SIPA1L3: variants seen among roughly 807,000 people sequenced by gnomAD.
SIPA1L3 encodes signal-induced proliferation-associated 1-like protein 3.
SIPA1L3 carries 59 observed loss-of-function variants against 150.1 expected under a neutral mutation model. That is an observed-to-expected ratio of 0.39 (90% CI 0.32 to 0.49). The LOEUF is 0.49. Ranked by LOEUF, SIPA1L3 falls within the 20% of genes least tolerant of loss-of-function variation. The pLI, the probability that SIPA1L3 is intolerant of heterozygous loss-of-function variation, is 0.86. For missense variants in SIPA1L3, 2,211 were observed against 2,489.5 expected (o/e 0.89, Z 2.38); for synonymous variants, 1,070 against 1,077.6 (o/e 0.99, Z 0.14).
intron 15 of SIPA1L3, among the ~76,000 whole-genome samples, chr19:38,177,454 C>T (rs1972461354): frequency 6.6e-6 from 1 of 151,812 alleles, no homozygotes; most frequent in South Asian, 2.1e-4. Flanking sequence ...AGGAGGATAG[C>T]TTGAGCACAG....
At chr19:37,995,563 C>G (rs1426371621) in intron 1 of SIPA1L3, among the ~76,000 whole-genome samples, 1 of 152,120 alleles carries the variant, frequency 6.6e-6, no homozygotes, top group Admixed American at 6.6e-5. Context: ...TGGGCACCAT[C>G]AGGGAGAACT....
At chr19:38,008,842 G>A (rs1968029547) in intron 1 of SIPA1L3, among the ~76,000 whole-genome samples, 1 of 151,908 alleles carries the variant, frequency 6.6e-6, no homozygotes, top group African/African-American at 2.4e-5. Context: ...TTACAGGCAT[G>A]AGCCACCATG....
In SIPA1L3 at chr19:38,208,007, AC is replaced by A. The variant is rs1157270513; in HGVS notation, c.*1771del. On this transcript the variant is annotated 3_prime_UTR_variant, in exon 22 of 22. Coordinates refer to ENST00000222345, the MANE Select transcript of SIPA1L3 (RefSeq NM_015073.3). ...GGGGGCCCACCCGTCCCCCACCCCC[AC>A]CCCTTAGACCCTCATCGGGTCCCTT... 2 of 36,366 alleles carry A rather than the reference AC, an allele frequency of 5.5e-5. No homozygotes were observed. The highest frequency in any genetic ancestry group is 3.0e-4 in the Admixed American group (1 of 3,384). 2.3% of individuals were successfully genotyped at this position (36,366 alleles called of 1,614,324 possible). A position where few individuals can be genotyped will look rare whatever the true frequency, so the allele number is the denominator to read the frequency against.
intron 20 of SIPA1L3, among the ~76,000 whole-genome samples, chr19:38,203,166 C>T (rs1301784385): frequency 1.3e-5 from 2 of 152,188 alleles, no homozygotes; most frequent in Non-Finnish European, 2.9e-5. Flanking sequence ...CGAACGTAGG[C>T]CCCACTGTAA....
intron 18 of SIPA1L3, among the ~76,000 whole-genome samples, chr19:38,194,400 T>G (rs1972875452): frequency 7.0e-6 from 1 of 143,840 alleles, no homozygotes; most frequent in African/African-American, 2.5e-5. Context: ...AGTACGTAAG[T>G]TTGCACCATG....
chr19:37,970,920 C>T (rs2145592832), intron 1 of SIPA1L3, among the ~76,000 whole-genome samples: 1 of 152,334 alleles, frequency 6.6e-6, no homozygotes, highest in Admixed American at 6.5e-5. Flanking sequence ...TTGTTGCTCC[C>T]TGTTCCTGGG....
chr19:37,917,967 T>G (rs2046426814), intron 1 of SIPA1L3, among the ~76,000 whole-genome samples: 1 of 151,768 alleles, frequency 6.6e-6, no homozygotes, highest in African/African-American at 2.4e-5. Context: ...ATTGTGCCAC[T>G]GCACTCCAGC....
chr19:38,019,524 G>A (rs1968318594), intron 1 of SIPA1L3, among the ~76,000 whole-genome samples: 1 of 152,190 alleles, frequency 6.6e-6, no homozygotes, highest in African/African-American at 2.4e-5. Context: ...GGGAGGTTGG[G>A]AAATGTAGTC....
rs112452114 is a variant in SIPA1L3, at chr19:37,957,873, G to A, written c.-379+50515G>A. Among the ~76,000 whole-genome samples, 910 of 136,368 alleles carry A rather than the reference G, an allele frequency of 6.7e-3. 10 individuals are homozygous for A. Among genetic ancestry groups the A allele is most frequent in the African/African-American group, 0.026 (859 of 33,042 alleles). The allele number at this position is 136,368 out of a possible 152,430, so 89.5% of individuals were successfully genotyped here. ...ACTATAGGCATGCATCACCATGCCT[G>A]GCTAATTTTTTTTTTATTTTTGTGG... On this transcript the variant is annotated intron_variant, in intron 1 of 21. Coordinates refer to ENST00000222345, the MANE Select transcript of SIPA1L3 (RefSeq NM_015073.3).
chr19:37,980,384 G>A lies in SIPA1L3; in HGVS notation c.-378-48705G>A, dbSNP rs529413437. ...TACTCAGTACTCTGCTCTGCACTTT[G>A]CAAATGTTTACTGAACAGTATGCCC... On this transcript the variant is annotated intron_variant, in intron 1 of 21. Coordinates refer to ENST00000222345, the MANE Select transcript of SIPA1L3 (RefSeq NM_015073.3). 2.0e-5 allele frequency among the ~76,000 whole-genome samples: 3 copies of A among 152,230 alleles called. No individual in the cohort carries two copies. The South Asian group carries it at 6.2e-4, about 32-fold the overall frequency.
At position 38,045,270 on chromosome 19, in the gene SIPA1L3, G is replaced by A. The variant is rs181384790; in HGVS notation, c.-311+16114G>A. Among the ~76,000 whole-genome samples, 631 of 152,112 alleles carry A rather than the reference G, an allele frequency of 4.1e-3. 2 individuals are homozygous for A. Among genetic ancestry groups the A allele is most frequent in the African/African-American group, 0.015 (613 of 41,460 alleles). On this transcript the variant is annotated intron_variant, in intron 2 of 21. Coordinates refer to ENST00000222345, the MANE Select transcript of SIPA1L3 (RefSeq NM_015073.3). ...TGCGTGCCTGTAATCCCAGCTACTC[G>A]GGAGGCTGAGGCACAAGAATCACTT...
chr19:38,018,036 C>T (rs1007341474), intron 1 of SIPA1L3, among the ~76,000 whole-genome samples: 4 of 151,668 alleles, frequency 2.6e-5, no homozygotes, highest in African/African-American at 4.8e-5. Flanking sequence ...GGGCTCCCTG[C>T]GTGTTTCTTT....
intron 15 of SIPA1L3, among the ~76,000 whole-genome samples, chr19:38,168,430 C>A (rs913910397): frequency 2.0e-5 from 3 of 151,876 alleles, no homozygotes; most frequent in Non-Finnish European, 4.4e-5. Context: ...ATACATTGCA[C>A]TCCAGCCTGG....
chr19:37,950,996 C>T (rs1568476213), intron 1 of SIPA1L3, among the ~76,000 whole-genome samples: 2 of 152,232 alleles, frequency 1.3e-5, no homozygotes, highest in East Asian at 3.8e-4. Flanking sequence ...GTTTGGCCGC[C>T]CTACAACCAT....
At chr19:38,023,547 A>G (rs1968426653) in intron 1 of SIPA1L3, among the ~76,000 whole-genome samples, 2 of 152,190 alleles carry the variant, frequency 1.3e-5, no homozygotes, top group South Asian at 4.1e-4. Flanking sequence ...TCCCTAAGTC[A>G]TTATTTCAAA....
chr19:38,151,919 G>A (rs1379208520), intron 12 of SIPA1L3, among the ~76,000 whole-genome samples: 1 of 135,530 alleles, frequency 7.4e-6, no homozygotes, highest in African/African-American at 2.7e-5. Flanking sequence ...CTGAGATTGT[G>A]CCACTGCACT....
chr19:37,911,348 C>G (rs942843842), intron 1 of SIPA1L3, among the ~76,000 whole-genome samples: 2 of 152,008 alleles, frequency 1.3e-5, no homozygotes, highest in African/African-American at 4.8e-5. Context: ...CTATTTGTAA[C>G]CCAGTTTTTT....
intron 17 of SIPA1L3, among the ~76,000 whole-genome samples, chr19:38,193,124 T>C (rs1464030534): frequency 1.3e-5 from 2 of 151,828 alleles, no homozygotes; most frequent in African/African-American, 4.8e-5. Flanking sequence ...AGAGGATCAC[T>C]TGAGCCCAGG....
At chr19:38,120,117 A>G (rs61388128) in intron 9 of SIPA1L3, among the ~76,000 whole-genome samples, 1 of 152,040 alleles carries the variant, frequency 6.6e-6, no homozygotes, top group Non-Finnish European at 1.5e-5. Flanking sequence ...AAGACAAGAG[A>G]TACTTATTAA....
Sources: allele counts gnomAD v4.1 joint callset (sites outside exome capture counted in the v4.1 genomes callset), GRCh38; gene constraint gnomAD v4.1.1; transcripts MANE v1.5; gene names NCBI Gene and HGNC (gene_info 2026-07-23, HGNC 2026-07-21).